ANKS1B: variants seen among roughly 807,000 people sequenced by gnomAD.
The protein encoded by ANKS1B is ankyrin repeat and sterile alpha motif domain-containing protein 1B.
In ANKS1B, 36 loss-of-function variants were observed where a neutral mutation model predicts 148.3. That is an observed-to-expected ratio of 0.24 (90% confidence interval 0.19 to 0.32). The LOEUF (loss-of-function observed/expected upper bound fraction) is 0.32. Among genes scored for constraint, ANKS1B ranks in the 10% least tolerant of loss-of-function variants. The pLI is 1.00. For synonymous variants in ANKS1B, 542 were observed against 560.8 expected (o/e 0.97, Z 0.47); for missense variants, 1,157 against 1,542.6 (o/e 0.75, Z 4.19).
intron 9 of ANKS1B, among the ~76,000 whole-genome samples, chr12:99,616,469 G>C (rs1279257144): frequency 1.3e-5 from 2 of 151,868 alleles, no homozygotes; most frequent in Admixed American, 6.6e-5. Flanking sequence ...CAGAACAGAG[G>C]CCTCAGAAAT....
At position 99,806,546 on chromosome 12, in the gene ANKS1B, A is replaced by C. The variant is rs1602549099; in HGVS notation, c.527T>G (p.Val176Gly). The stretch of plus-strand genomic sequence containing the variant: ...ATGTGCACTGATGATCATTTTTACC[A>C]CTCTAAGCCGTCCGTAGAGTGCCGC... ...DLAALYGRLR[V>G]VKMIISAHPN... Residue 176 changes from valine (V) to glycine (G), a missense_variant, in exon 4 of 27, where the codon GTG becomes GGG. Physicochemically the swap from Val to Gly is moderately radical, Grantham distance 109. Around this residue, in one of 6 missense-constraint regions of ANKS1B, gnomAD observed 164 missense variants for 232.6 expected, o/e 0.71. Coordinates refer to ENST00000683438, the MANE Select transcript of ANKS1B (RefSeq NM_001352186.2). 2 of 1,613,176 alleles carry C rather than the reference A, an allele frequency of 1.2e-6. No individual in the cohort carries two copies. Among genetic ancestry groups the C allele is most frequent in the Admixed American group, 1.7e-5 (1 of 59,946 alleles).
intron 8 of ANKS1B, among the ~76,000 whole-genome samples, chr12:99,725,744 A>T (rs547903393): frequency 1.3e-5 from 2 of 152,328 alleles, no homozygotes; most frequent in Non-Finnish European, 2.9e-5. Context: ...TTGACCACAA[A>T]ATTGGAAGTA....
intron 15 of ANKS1B, among the ~76,000 whole-genome samples, chr12:99,098,084 CTG>C (rs1423883217): frequency 6.6e-6 from 1 of 152,204 alleles, no homozygotes; most frequent in Non-Finnish European, 1.5e-5. Flanking sequence ...AGGCCAGACA[CTG>C]TGCTTTTATC....
At chr12:99,487,956 A>T (rs1445911436) in intron 10 of ANKS1B, among the ~76,000 whole-genome samples, 1 of 152,130 alleles carries the variant, frequency 6.6e-6, no homozygotes, top group Non-Finnish European at 1.5e-5. Context: ...TGTTTCTCAA[A>T]ATCCTATCAG....
intron 17 of ANKS1B, among the ~76,000 whole-genome samples, chr12:98,996,391 C>T (rs2099929588): frequency 1.3e-5 from 2 of 152,108 alleles, no homozygotes; most frequent in South Asian, 4.1e-4. Context: ...GGACAAAATA[C>T]ATTAGTGTCT....
intron 12 of ANKS1B, among the ~76,000 whole-genome samples, chr12:99,333,396 A>G (rs560440868): frequency 1.2e-4 from 18 of 152,234 alleles, no homozygotes; most frequent in African/African-American, 4.3e-4. Flanking sequence ...GCACAGTTTC[A>G]TTACTCATTT....
intron 1 of ANKS1B, among the ~76,000 whole-genome samples, chr12:99,853,118 T>C (rs887627714): frequency 6.6e-6 from 1 of 152,000 alleles, no homozygotes; most frequent in Non-Finnish European, 1.5e-5. Flanking sequence ...AACCTGGTGG[T>C]GTTTCTCTAC....
At chr12:99,827,986 A>G (rs1023577027) in intron 1 of ANKS1B, among the ~76,000 whole-genome samples, 1 of 152,238 alleles carries the variant, frequency 6.6e-6, no homozygotes, top group Non-Finnish European at 1.5e-5. Flanking sequence ...AAAGACTTGT[A>G]CATATAATAT....
At chr12:99,055,263 G>T (rs2099968834) in intron 16 of ANKS1B, among the ~76,000 whole-genome samples, 1 of 152,180 alleles carries the variant, frequency 6.6e-6, no homozygotes, top group Non-Finnish European at 1.5e-5. Context: ...CTTCCTGACT[G>T]CCCCAGTGAC....
intron 10 of ANKS1B, among the ~76,000 whole-genome samples, chr12:99,488,024 C>T (rs181319143): frequency 4.7e-4 from 71 of 152,104 alleles, no homozygotes; most frequent in Non-Finnish European, 1.9e-4. Context: ...AAAAAAATTA[C>T]GGCTATGATA....
intron 17 of ANKS1B, among the ~76,000 whole-genome samples, chr12:98,873,720 A>G (rs2099679047): frequency 6.6e-6 from 1 of 152,254 alleles, no homozygotes; most frequent in South Asian, 2.1e-4. Context: ...ATGAAGTTCC[A>G]GAACCAATGA....
intron 17 of ANKS1B, among the ~76,000 whole-genome samples, chr12:98,882,253 G>A (rs2099709866): frequency 1.3e-5 from 2 of 152,116 alleles, no homozygotes; most frequent in African/African-American, 4.8e-5. Context: ...GCTACTTTCA[G>A]ATACAGGGCT....
intron 15 of ANKS1B, among the ~76,000 whole-genome samples, chr12:99,121,561 GA>G (rs2062890401): frequency 6.6e-6 from 1 of 152,044 alleles, no homozygotes; most frequent in African/African-American, 2.4e-5. Flanking sequence ...GATGTCAAGA[GA>G]AAAAAATGTG....
At chr12:99,192,131 C>CAAAA (rs35767286) in intron 14 of ANKS1B, among the ~76,000 whole-genome samples, 25 of 57,752 alleles carry the variant, frequency 4.3e-4, no homozygotes, top group Middle Eastern at 0.014. Flanking sequence ...GACTCCATCT[C>CAAAA]AAAAAAAAAA....
intron 4 of ANKS1B, among the ~76,000 whole-genome samples, chr12:99,782,642 A>G (rs1201455346): frequency 3.3e-5 from 5 of 152,326 alleles, no homozygotes; most frequent in Non-Finnish European, 5.9e-5. Context: ...TAAGTATAAA[A>G]TAAGAGAAGT....
intron 25 of ANKS1B, among the ~76,000 whole-genome samples, chr12:98,768,426 TAAAAAAAAA>T (rs386377533): frequency 1.9e-4 from 9 of 46,678 alleles, no homozygotes; most frequent in African/African-American, 7.4e-4. Flanking sequence ...GGGTGCTCTC[TAAAAAAAAA>T]AAAAAAAAAA....
chr12:98,934,489 C>T (rs1197857653), intron 17 of ANKS1B, among the ~76,000 whole-genome samples: 2 of 151,890 alleles, frequency 1.3e-5, no homozygotes, highest in South Asian at 4.1e-4. Flanking sequence ...AGCATTTTGT[C>T]TATTTATGTA....
At chr12:99,982,350 AT>A (rs1722199063) in intron 1 of ANKS1B, among the ~76,000 whole-genome samples, 1 of 146,938 alleles carries the variant, frequency 6.8e-6, no homozygotes, top group African/African-American at 2.6e-5. Context: ...AAAAAAAAAA[AT>A]CACAGCTGGG....
intron 17 of ANKS1B, among the ~76,000 whole-genome samples, chr12:99,045,077 T>C (rs1431517279): frequency 6.6e-6 from 1 of 152,142 alleles, no homozygotes; most frequent in Non-Finnish European, 1.5e-5. Context: ...CTTTTAAGGG[T>C]CAAACGGAAG....
Sources: gnomAD v4.1 joint callset for allele counts (sites outside exome capture counted in the v4.1 genomes callset) on GRCh38, gnomAD v4.1.1 for gene constraint, gnomAD v4.1.1 regional missense constraint, MANE v1.5 for transcripts, NCBI Gene and HGNC (gene_info 2026-07-23, HGNC 2026-07-21) for gene names.